MAD1L1: variants seen among roughly 807,000 people sequenced by gnomAD.
The protein encoded by MAD1L1 is mitotic arrest deficient 1 like 1.
A neutral mutation model predicts 96.9 loss-of-function variants in MAD1L1; 95 were observed. The observed-to-expected ratio is 0.98, with a 90% CI of 0.83 to 1.16. MAD1L1 has a LOEUF of 1.16. Among genes scored for constraint, MAD1L1 ranks in the 50% most tolerant of loss-of-function variants. The pLI, the probability that MAD1L1 is intolerant of heterozygous loss-of-function variation, is 0.00. For synonymous variants in MAD1L1, 473 were observed against 396.6 expected (o/e 1.19, Z -2.29); for missense variants, 1,007 against 954.4 (o/e 1.06, Z -0.73).
At chr7:1,939,395 C>G (rs774167143) in intron 16 of MAD1L1, among the ~76,000 whole-genome samples, 1 of 152,246 alleles carries the variant, frequency 6.6e-6, no homozygotes, top group Non-Finnish European at 1.5e-5. Flanking sequence ...CCAGGGCTCC[C>G]GCCAAGTGCT....
chr7:1,953,204 G>C (rs1779579214), intron 16 of MAD1L1, among the ~76,000 whole-genome samples: 1 of 152,194 alleles, frequency 6.6e-6, no homozygotes, highest in African/African-American at 2.4e-5. Flanking sequence ...CTGCCTGCTG[G>C]TGCAGACGGG....
At chr7:1,823,051 A>T (rs895614273) in intron 18 of MAD1L1, among the ~76,000 whole-genome samples, 1 of 152,052 alleles carries the variant, frequency 6.6e-6, no homozygotes, top group African/African-American at 2.4e-5. Context: ...TTTGAAAATC[A>T]ATCAATGTAA....
At chr7:1,928,451 T>A (rs1583815846) in intron 17 of MAD1L1, among the ~76,000 whole-genome samples, 1 of 151,518 alleles carries the variant, frequency 6.6e-6, no homozygotes, top group Non-Finnish European at 1.5e-5. Flanking sequence ...CACCGGTCCC[T>A]AGAGGAGCCC....
intron 17 of MAD1L1, among the ~76,000 whole-genome samples, chr7:1,906,494 C>G (rs56403963): frequency 0.15 from 23,216 of 152,318 alleles, 2,194 homozygotes; most frequent in South Asian, 0.28. Context: ...GCTGCCTCTC[C>G]TGCACCCTGC....
intron 11 of MAD1L1, among the ~76,000 whole-genome samples, chr7:2,140,614 GCCCCGCATCCCAGCACGAGGCCAGGC>G (rs1788982341): frequency 6.6e-6 from 1 of 152,232 alleles, no homozygotes; most frequent in Non-Finnish European, 1.5e-5. Flanking sequence ...GTGGGAGCCG[GCCCCGCATCCCAGCACGAGGCCAGGC>G]CCCCGCCAGG....
rs1266022106 is a variant in MAD1L1, at chr7:2,069,785, T to G, written c.1074-447A>C. 2.0e-5 allele frequency among the ~76,000 whole-genome samples: 3 copies of G among 152,240 alleles called. No homozygotes were observed. The East Asian group carries it at 5.8e-4, about 29-fold the overall frequency. On this transcript the variant is annotated intron_variant, in intron 11 of 18. Transcript: ENST00000265854. ...GAAAGCCCAGCCTGGCGCTAAGCAC[T>G]GGGAACCCGAGAGGCCTCCTGTGGG...
At chr7:2,111,760 G>T (rs539819202) in intron 11 of MAD1L1, among the ~76,000 whole-genome samples, 1 of 152,338 alleles carries the variant, frequency 6.6e-6, no homozygotes, top group South Asian at 2.1e-4. Context: ...GCGTGGCCCA[G>T]CAGGAGCAGG....
At chr7:1,894,828 G>A (rs994544113) in intron 18 of MAD1L1, among the ~76,000 whole-genome samples, 3 of 151,912 alleles carry the variant, frequency 2.0e-5, no homozygotes, top group African/African-American at 7.3e-5. Context: ...GGTGGGGGTT[G>A]GGTGAGGCTG....
At chr7:1,870,375 TTGCCATGCTGAACCCACCATAACACC>T (rs1784994815) in intron 18 of MAD1L1, among the ~76,000 whole-genome samples, 1 of 96,420 alleles carries the variant, frequency 1.0e-5, no homozygotes, top group African/African-American at 3.8e-5. Flanking sequence ...CAACATACGC[TTGCCATGCTGAACCCACCATAACACC>T]TGCCACGCTG....
At chr7:1,987,574 G>A (rs887622366) in intron 14 of MAD1L1, among the ~76,000 whole-genome samples, 1 of 152,158 alleles carries the variant, frequency 6.6e-6, no homozygotes, top group African/African-American at 2.4e-5. Context: ...TCGGGGAGGG[G>A]GGGAGAGGCA....
chr7:1,893,144 C>T (rs956862856), intron 18 of MAD1L1, among the ~76,000 whole-genome samples: 2 of 152,182 alleles, frequency 1.3e-5, no homozygotes, highest in Non-Finnish European at 2.9e-5. Context: ...GCAGAGGCAG[C>T]AGGTTCCCGC....
At chr7:2,216,657 G>A (rs192884724) in intron 7 of MAD1L1, among the ~76,000 whole-genome samples, 18 of 152,270 alleles carry the variant, frequency 1.2e-4, no homozygotes, top group East Asian at 3.9e-4. Flanking sequence ...ACCGTCACAC[G>A]TGCTCCACTC....
rs575275203 is a variant in MAD1L1, at chr7:2,014,682, G to T, written c.1219-40C>A. The T allele has an allele frequency of 4.0e-5, 62 of 1,567,948 alleles. No homozygotes were observed. The South Asian group carries it at 7.0e-4, about 18-fold the overall frequency. The stretch of plus-strand genomic sequence containing the variant: ...GGCAGCTGATCAGGACCCGGGACGG[G>T]GGATGAGGTAATGATGGAGACGGCT... On this transcript the variant is annotated intron_variant, in intron 12 of 18. Coordinates refer to ENST00000265854, the MANE Select transcript of MAD1L1 (RefSeq NM_001013836.2).
At chr7:1,953,191 C>G (rs775783307) in intron 16 of MAD1L1, among the ~76,000 whole-genome samples, 43 of 152,194 alleles carry the variant, frequency 2.8e-4, no homozygotes, top group Non-Finnish European at 3.7e-4. Context: ...GGTACCGCAC[C>G]ACCTGCCTGC....
intron 10 of MAD1L1, among the ~76,000 whole-genome samples, chr7:2,166,962 A>C (rs1046978450): frequency 4.6e-5 from 7 of 152,212 alleles, no homozygotes; most frequent in Non-Finnish European, 8.8e-5. Flanking sequence ...CTGGAGACTG[A>C]ACCGGAATCT....
intron 5 of MAD1L1, chr7:2,220,951 G>C: frequency 6.2e-7 from 1 of 1,612,408 alleles, no homozygotes; most frequent in South Asian, 1.1e-5. Context: ...CGTGTTGTAG[G>C]GGACGCCGGA....
intron 18 of MAD1L1, among the ~76,000 whole-genome samples, chr7:1,884,513 G>A (rs1189508275): frequency 2.6e-5 from 4 of 152,200 alleles, no homozygotes; most frequent in Non-Finnish European, 4.4e-5. Context: ...CCCTGAGGCC[G>A]TCCTGCTGAC....
intron 13 of MAD1L1, among the ~76,000 whole-genome samples, chr7:2,006,894 C>T (rs561525460): frequency 1.3e-5 from 2 of 152,268 alleles, no homozygotes; most frequent in African/African-American, 4.8e-5. Flanking sequence ...ACACCCCCCA[C>T]CTCAGTCCCC....
At chr7:1,970,672 C>T (rs370121479) in intron 15 of MAD1L1, among the ~76,000 whole-genome samples, 1 of 152,230 alleles carries the variant, frequency 6.6e-6, no homozygotes, top group African/African-American at 2.4e-5. Context: ...TAAACACCTG[C>T]TGGGCTGTGT....
Sources: allele counts gnomAD v4.1 joint callset (sites outside exome capture counted in the v4.1 genomes callset), GRCh38; gene constraint gnomAD v4.1.1; transcripts MANE v1.5; gene names NCBI Gene and HGNC (gene_info 2026-07-23, HGNC 2026-07-21).